MRE11: variants seen among roughly 807,000 people sequenced by gnomAD.
MRE11 encodes the protein MRE11 double strand break repair nuclease.
In MRE11, 62 loss-of-function variants were observed where a neutral mutation model predicts 91.7. The observed-to-expected ratio is 0.68, with a 90% confidence interval of 0.55 to 0.84. The LOEUF (loss-of-function observed/expected upper bound fraction) is 0.84, where lower values mean the gene tolerates loss of function less well. Ranked by LOEUF, MRE11 falls within the 40% of genes least tolerant of loss-of-function variation. The pLI is 0.00. For synonymous variants in MRE11, 273 were observed against 271.4 expected, an observed-to-expected ratio of 1.01 and a Z score of -0.06; for missense variants, 796 against 852.9, an observed-to-expected ratio of 0.93 and a Z score of 0.83.
chr11:94,471,364 A>T (rs1946704978), intron 8 of MRE11, among the ~76,000 whole-genome samples: 1 of 152,026 alleles, frequency 6.6e-6, no homozygotes, highest in Non-Finnish European at 1.5e-5. Flanking sequence ...GCAAAATAAC[A>T]CCAATTGGAT....
chr11:94,485,055 T>C (rs1158138646), intron 4 of MRE11, among the ~76,000 whole-genome samples: 1 of 151,964 alleles, frequency 6.6e-6, no homozygotes, highest in African/African-American at 2.4e-5. Context: ...CTACTAAAAA[T>C]ACAAAAAATT....
At position 94,418,538 on chromosome 11, in the gene MRE11, G is replaced by A. The variant is rs1479224164; in HGVS notation, c.*1587C>T. 4.3e-6 allele frequency: 1 copy of A among 232,856 alleles called. No individual in the cohort carries two copies. The highest frequency in any genetic ancestry group is 8.5e-6 in the Non-Finnish European group (1 of 117,882). 14.4% of individuals were successfully genotyped at this position (232,856 alleles called of 1,614,324 possible). ...TGATGTGGCCCACAGCTCAGACTGA[G>A]CCAGCATGGCTTGTGCAGGGGTAGG... On this transcript the variant is annotated 3_prime_UTR_variant, in exon 20 of 20. Coordinates refer to ENST00000323929, the MANE Select transcript of MRE11 (RefSeq NM_005591.4).
rs1269128949 is a variant in MRE11 at position 94,416,741 on chromosome 11, C to A, written c.*3384G>T. The A allele has an allele frequency of 1.3e-5, 2 of 150,410 alleles. No individual in the cohort carries two copies. Among genetic ancestry groups the A allele is most frequent in the African/African-American group, 2.4e-5 (1 of 41,012 alleles). 9.3% of individuals were successfully genotyped at this position (150,410 alleles called of 1,614,324 possible). On this transcript the variant is annotated 3_prime_UTR_variant, in exon 20 of 20. Coordinates refer to ENST00000323929, the MANE Select transcript of MRE11 (RefSeq NM_005591.4). The stretch of plus-strand genomic sequence containing the variant: ...GGCGTGGTGGTGGGCGCCTGTAGTC[C>A]CAGCTACTTGGGAGGCTGAGGCAGG...
chr11:94,471,668 T>C lies in MRE11; in HGVS notation c.751A>G (p.Ile251Val), dbSNP rs1298074499. 1 of 1,612,852 alleles carries C rather than the reference T, an allele frequency of 6.2e-7. No individual in the cohort carries two copies. ...VIWGHEHECK[I>V]APTKNEQQLF... is the part of the protein sequence containing the mutation. ...TGTTGTTCATTTTTGGTTGGAGCTA[T>C]TTTACACTCATGTTCATGGCCCCAG... Residue 251 changes from isoleucine to valine, a missense_variant, in exon 8 of 20, where the codon ATA (isoleucine) becomes GTA (valine). Transcript: ENST00000323929.
intron 19 of MRE11, among the ~76,000 whole-genome samples, chr11:94,426,623 G>T (rs186343329): frequency 2.6e-5 from 4 of 152,162 alleles, no homozygotes; most frequent in Admixed American, 6.5e-5. Context: ...TCAAGAATTG[G>T]TTCTTTAAAA....
At chr11:94,476,451 T>A in intron 6 of MRE11, 48 bp from the exon 7 acceptor site, 2 of 1,265,706 alleles carry the variant, frequency 1.6e-6, no homozygotes, top group Non-Finnish European at 2.3e-6. Context: ...TACTTCGGCT[T>A]AAAAAATGAA....
At chr11:94,455,371 G>A (rs13447691) in intron 14 of MRE11, among the ~76,000 whole-genome samples, 2,146 of 152,108 alleles carry the variant, frequency 0.014, 88 homozygotes, top group Admixed American at 0.085. Context: ...TTTTTTATAT[G>A]TACAGTCCTA....
intron 4 of MRE11, among the ~76,000 whole-genome samples, chr11:94,482,884 G>C (rs1338471261): frequency 6.6e-6 from 1 of 152,170 alleles, no homozygotes; most frequent in African/African-American, 2.4e-5. Context: ...GTTGCAGTGA[G>C]CCAAGATCGT....
intron 14 of MRE11, among the ~76,000 whole-genome samples, chr11:94,450,866 A>G (rs554893797): frequency 3.3e-5 from 5 of 152,230 alleles, no homozygotes; most frequent in African/African-American, 9.6e-5. Context: ...ACACATTAGA[A>G]TGAATAAATA....
chr11:94,429,552 A>T (rs1945408133), intron 19 of MRE11, among the ~76,000 whole-genome samples: 1 of 152,248 alleles, frequency 6.6e-6, no homozygotes, highest in African/African-American at 2.4e-5. Flanking sequence ...TATCCTAAGC[A>T]AATTAACAGG....
intron 3 of MRE11, among the ~76,000 whole-genome samples, chr11:94,490,095 T>C (rs1323695106): frequency 6.6e-6 from 1 of 152,214 alleles, no homozygotes; most frequent in Non-Finnish European, 1.5e-5. Flanking sequence ...CATGGTATTA[T>C]ACTCCGCTGC....
rs2135091630 is a variant in MRE11, at chr11:94,479,743, A to T, written c.333T>A (p.Tyr111Ter). The change falls in exon 5 of 20, where the codon TAT becomes TAA. Residue 111 changes from tyrosine (Y) to a stop codon, truncating the protein, a stop_gained. Coordinates refer to ENST00000323929, the MANE Select transcript of MRE11 (RefSeq NM_005591.4). LOFTEE classifies it high-confidence loss of function. ...FGFSKFPWVNYQDGNLNISIP... is the reference protein window; with the variant it reads ...FGFSKFPWVN ...TTGAAATGTTGAGGTTGCCATCTTG[A>T]TAGTTCACCCATGGAAACCTTAAAA... 6.2e-7 allele frequency: 1 copy of T among 1,612,460 alleles called. No homozygotes were observed. Among genetic ancestry groups the T allele is most frequent in the South Asian group, 1.1e-5 (1 of 91,062 alleles).
chr11:94,428,426 A>G (rs1265263544), intron 19 of MRE11, among the ~76,000 whole-genome samples: 2 of 152,238 alleles, frequency 1.3e-5, no homozygotes, highest in African/African-American at 4.8e-5. Context: ...ACCTCATACT[A>G]TAATAATCCT....
chr11:94,464,232 T>C lies in MRE11; in HGVS notation c.1106A>G (p.Tyr369Cys), dbSNP rs746283923. The part of the protein sequence containing the change: ...EKPLVRLRVD[Y>C]SGGFEPFSVL... ...ACTGAAAGGTTCAAAACCTCCACTA[T>C]AGTCCACCTGAAAACACAGAATAAT... is the stretch of plus-strand genomic sequence containing the variant. The change falls in exon 11 of 20, where the codon TAT becomes TGT. Residue 369 changes from tyrosine (Y) to cysteine (C), a missense_variant. Tyr to Cys is a radical substitution (Grantham distance 194). Coordinates refer to ENST00000323929, the MANE Select transcript of MRE11 (RefSeq NM_005591.4). The C allele has an allele frequency of 5.6e-6, 9 of 1,613,794 alleles. No individual in the cohort carries two copies. The highest frequency in any genetic ancestry group is 1.3e-5 in the African/African-American group (1 of 74,924).
At position 94,419,465 on chromosome 11, in the gene MRE11, G is replaced by GGAGAGAGGGAGAGA. The variant is rs1554996393; in HGVS notation, c.*659_*660insTCTCTCCCTCTCTC. ...GAAGAGTGGGGAACGGGGGGGAGAGGGAGAGAGAGAGAGAGAGAGAGAGAG... is the reference window on the plus strand; with the variant it reads ...GAAGAGTGGGGAACGGGGGGGAGAGGGAGAGAGGGAGAGAGAGAGAGAGAGAGAGAGAGAGAGAG... On this transcript the variant is annotated 3_prime_UTR_variant, in exon 20 of 20. Coordinates refer to ENST00000323929, the MANE Select transcript of MRE11 (RefSeq NM_005591.4). The GGAGAGAGGGAGAGA allele has an allele frequency of 1.8e-5, 4 of 216,372 alleles. No individual in the cohort carries two copies. The highest frequency in any genetic ancestry group is 2.5e-5 in the African/African-American group (1 of 40,616). The allele number at this position is 216,372 out of a possible 1,614,324, so 13.4% of individuals were successfully genotyped here. A position where few individuals can be genotyped will look rare whatever the true frequency, so the allele number is the denominator to read the frequency against.
At chr11:94,456,428 G>A in intron 13 of MRE11, 90 bp from the exon 14 acceptor site, 1 of 1,009,124 alleles carries the variant, frequency 9.9e-7, no homozygotes, top group Non-Finnish European at 1.5e-6. Context: ...AATGCTTTAT[G>A]TTATAAAACT....
intron 19 of MRE11, among the ~76,000 whole-genome samples, chr11:94,428,064 A>G (rs1010833433): frequency 6.6e-6 from 1 of 152,236 alleles, no homozygotes; most frequent in Non-Finnish European, 1.5e-5. Flanking sequence ...ATGGAACCAA[A>G]GAAGAACCCA....
intron 15 of MRE11, among the ~76,000 whole-genome samples, chr11:94,446,831 T>G (rs138962379): frequency 6.6e-6 from 1 of 152,226 alleles, no homozygotes; most frequent in African/African-American, 2.4e-5. Context: ...ATAATAATTG[T>G]ATGATCTGGA....
intron 7 of MRE11, among the ~76,000 whole-genome samples, chr11:94,475,972 TA>T (rs1479428521): frequency 1.2e-4 from 18 of 152,082 alleles, no homozygotes; most frequent in East Asian, 3.9e-4. Flanking sequence ...CCCTTTGGGA[TA>T]GGGGGAAGCA....
Sources: allele counts gnomAD v4.1 joint callset (sites outside exome capture counted in the v4.1 genomes callset), GRCh38; gene constraint gnomAD v4.1.1; transcripts MANE v1.5; gene names NCBI Gene and HGNC (gene_info 2026-07-23, HGNC 2026-07-21).